Variants in ZMAT1 observed in about 807,000 individuals in gnomAD.
ZMAT1 encodes the protein zinc finger matrin-type protein 1.
Under a neutral mutation model 18.5 loss-of-function variants are expected in ZMAT1, and 11 were observed. That is an observed-to-expected ratio of 0.59 (90% confidence interval 0.37 to 0.98). The LOEUF is 0.98. Ranked by LOEUF, ZMAT1 falls within the 50% of genes least tolerant of loss-of-function variation. ZMAT1 has a pLI of 0.01. For synonymous variants in ZMAT1, 211 were observed against 176.4 expected (o/e 1.20, Z -1.55); for missense variants, 525 against 496.2 (o/e 1.06, Z -0.55).
At chrX:101,887,090 T>A in intron 4 of ZMAT1, 1 of 297,728 alleles carries the variant, frequency 3.4e-6, no homozygotes, top group Non-Finnish European at 4.6e-6. Context: ...CCTCTGAATC[T>A]CTTAACCAGC....
intron 1 of ZMAT1, chrX:101,911,791 C>T (rs1928986727): frequency 3.3e-6 from 4 of 1,207,826 alleles, no homozygotes; most frequent in Non-Finnish European, 3.4e-6. Context: ...GCTCCCGTCT[C>T]ATCGAACACC....
At chrX:101,891,244 G>A (rs143118547) in intron 4 of ZMAT1, among the ~76,000 whole-genome samples, 319 of 111,701 alleles carry the variant, frequency 2.9e-3, no homozygotes, top group African/African-American at 1.0e-2. Flanking sequence ...TGACTGTGAC[G>A]GATTGGGGAG....
intron 2 of ZMAT1, among the ~76,000 whole-genome samples, chrX:101,901,163 C>T (rs935229810): frequency 9.0e-6 from 1 of 111,275 alleles, no homozygotes. Context: ...AATCTTGTAT[C>T]CAGAAACTTT....
chrX:101,921,455 TC>T (rs781685983), intron 1 of ZMAT1, among the ~76,000 whole-genome samples: 2 of 112,313 alleles, frequency 1.8e-5, no homozygotes, highest in African/African-American at 6.5e-5. Flanking sequence ...TCCCAGTATG[TC>T]ATAATTTCTA....
intron 1 of ZMAT1, among the ~76,000 whole-genome samples, chrX:101,912,629 T>C (rs1929043542): frequency 1.8e-5 from 2 of 112,011 alleles, no homozygotes; most frequent in African/African-American, 6.5e-5. Flanking sequence ...GTGGCATCTT[T>C]ATGGAATCAC....
chrX:101,931,660 TGAA>T, intron 1 of ZMAT1, 54 bp downstream of exon 1: 4 of 751,092 alleles, frequency 5.3e-6, no homozygotes, highest in Non-Finnish European at 6.3e-6. Context: ...TCGGACGGGC[TGAA>T]GAGAGGCAGC....
rs139871662 is a variant in ZMAT1, at chrX:101,891,188, T to C, written c.677-4457A>G. On this transcript the variant is annotated intron_variant, in intron 4 of 5. Transcript: ENST00000651725. ...GTAGGGGTAGAAAGAAGCAGGGAGA[T>C]TGGTGTAACATTTAACTTTAAAACT... Among the ~76,000 whole-genome samples, 796 of 111,256 alleles carry C rather than the reference T, an allele frequency of 7.2e-3. 2 individuals are homozygous for C. The highest frequency in any genetic ancestry group is 0.01 in the Non-Finnish European group (544 of 52,882).
intron 1 of ZMAT1, among the ~76,000 whole-genome samples, chrX:101,914,318 TTAG>T (rs1166814587): frequency 9.1e-6 from 1 of 110,242 alleles, no homozygotes; most frequent in African/African-American, 3.3e-5. Context: ...AACCCCCAAA[TTAG>T]TAGAACAAAA....
chrX:101,889,948 G>A (rs191635888), intron 4 of ZMAT1: 2 of 112,115 alleles, frequency 1.8e-5, no homozygotes, highest in Admixed American at 9.4e-5. Context: ...AACAGAAAAT[G>A]TCCAATTTAC....
chrX:101,917,378 G>A (rs1929405486), intron 1 of ZMAT1, among the ~76,000 whole-genome samples: 1 of 112,416 alleles, frequency 8.9e-6, no homozygotes, highest in African/African-American at 3.2e-5. Flanking sequence ...ATGGGCAAAT[G>A]ATTTGCATAG....
At chrX:101,906,617 C>T (rs1180468089) in intron 1 of ZMAT1, among the ~76,000 whole-genome samples, 1 of 111,961 alleles carries the variant, frequency 8.9e-6, no homozygotes, top group Non-Finnish European at 1.9e-5. Context: ...CCACAGTGCT[C>T]GGCTTGCCCC....
chrX:101,920,100 C>T (rs777034642), intron 1 of ZMAT1, among the ~76,000 whole-genome samples: 4 of 104,766 alleles, frequency 3.8e-5, no homozygotes, highest in South Asian at 4.3e-4. Flanking sequence ...AGTGCAGTGG[C>T]GCAATCATGG....
At chrX:101,895,183 T>G (rs1466448547) in intron 4 of ZMAT1, among the ~76,000 whole-genome samples, 1 of 111,873 alleles carries the variant, frequency 8.9e-6, no homozygotes, top group Non-Finnish European at 1.9e-5. Context: ...CTAACTAGTT[T>G]ACACGCTCGC....
intron 1 of ZMAT1, among the ~76,000 whole-genome samples, chrX:101,922,966 T>C (rs1417931115): frequency 9.0e-6 from 1 of 111,413 alleles, no homozygotes; most frequent in Non-Finnish European, 1.9e-5. Flanking sequence ...GCAGATAATG[T>C]TGACTGTGAG....
At chrX:101,891,563 C>T (rs1927401139) in intron 4 of ZMAT1, among the ~76,000 whole-genome samples, 1 of 110,623 alleles carries the variant, frequency 9.0e-6, no homozygotes, top group Non-Finnish European at 1.9e-5. Flanking sequence ...ATGAAATCTC[C>T]TGAAGATAAT....
chrX:101,927,187 C>T (rs1221635690), intron 1 of ZMAT1, among the ~76,000 whole-genome samples: 1 of 112,497 alleles, frequency 8.9e-6, no homozygotes, highest in Non-Finnish European at 1.9e-5. Context: ...AATCTTTTAA[C>T]ACCATCACAA....
At chrX:101,909,846 C>A (rs1928844779) in intron 1 of ZMAT1, among the ~76,000 whole-genome samples, 1 of 112,421 alleles carries the variant, frequency 8.9e-6, no homozygotes, top group Non-Finnish European at 1.9e-5. Flanking sequence ...GATTAGGGGA[C>A]CTCGCCACCC....
At chrX:101,899,314 A>T (rs956390772) in intron 2 of ZMAT1, among the ~76,000 whole-genome samples, 1 of 111,848 alleles carries the variant, frequency 8.9e-6, no homozygotes, top group African/African-American at 3.3e-5. Context: ...TAATTTAATT[A>T]TACTTTTCCA....
intron 1 of ZMAT1, among the ~76,000 whole-genome samples, chrX:101,921,559 T>A (rs1198572917): frequency 1.8e-5 from 2 of 111,976 alleles, no homozygotes; most frequent in Non-Finnish European, 3.8e-5. Flanking sequence ...TAACAACAAA[T>A]AAGTAAAATG....
Sources: gnomAD v4.1 joint callset for allele counts (sites outside exome capture counted in the v4.1 genomes callset) on GRCh38, gnomAD v4.1.1 for gene constraint, MANE v1.5 for transcripts, NCBI Gene and HGNC (gene_info 2026-07-23, HGNC 2026-07-21) for gene names.